CD200R1L: variants seen among roughly 807,000 people sequenced by gnomAD.
CD200R1L encodes the protein cell surface glycoprotein CD200 receptor 2.
CD200R1L carries 14 observed loss-of-function variants against 24.8 expected under a neutral mutation model. That is an observed-to-expected ratio of 0.56 (90% CI 0.37 to 0.88). CD200R1L has a LOEUF of 0.88. Ranked by LOEUF, CD200R1L falls within the 40% of genes least tolerant of loss-of-function variation. CD200R1L has a pLI of 0.00. For synonymous variants in CD200R1L, 111 were observed against 109.2 expected (o/e 1.02, Z -0.11); for missense variants, 299 against 297.8 (o/e 1.00, Z -0.03).
chr3:112,843,420 T>C (rs1241691879), intron 2 of CD200R1L, among the ~76,000 whole-genome samples: 2 of 152,210 alleles, frequency 1.3e-5, no homozygotes, highest in African/African-American at 4.8e-5. Context: ...TCAGTATCTT[T>C]AGAGAAAAGA....
Position 112,837,950 on chromosome 3 carries a change from AG to A in CD200R1L, c.-27del. The A allele has an allele frequency of 8.2e-7, 1 of 1,223,616 alleles. No homozygotes were observed. Among genetic ancestry groups the A allele is most frequent in the South Asian group, 1.4e-5 (1 of 71,384 alleles). The allele number at this position is 1,223,616 out of a possible 1,614,324, so 75.8% of individuals were successfully genotyped here. ...GTAAGTGAGCATTTTACCTTCATTAAGACGTATTCTCTAACTTTGTATTTCC... is the reference window on the plus strand; with the variant it reads ...GTAAGTGAGCATTTTACCTTCATTAAACGTATTCTCTAACTTTGTATTTCC... On this transcript the variant is annotated 5_prime_UTR_variant, in exon 3 of 8. Transcript: ENST00000488794.
At chr3:112,826,832 T>C (rs1046949730) in intron 6 of CD200R1L, among the ~76,000 whole-genome samples, 161 bp downstream of exon 6, 2 of 152,224 alleles carry the variant, frequency 1.3e-5, no homozygotes, top group African/African-American at 2.4e-5. Context: ...GCTGTTCTAC[T>C]AAAAGACAGA....
intron 2 of CD200R1L, among the ~76,000 whole-genome samples, chr3:112,841,902 A>G (rs145479667): frequency 9.8e-5 from 15 of 152,356 alleles, no homozygotes; most frequent in African/African-American, 2.9e-4. Flanking sequence ...TTCAAGCCAG[A>G]GAGGAGCCCC....
At chr3:112,820,918 G>A (rs147151862) in intron 6 of CD200R1L, among the ~76,000 whole-genome samples, 4 of 151,632 alleles carry the variant, frequency 2.6e-5, no homozygotes, top group East Asian at 3.9e-4. Flanking sequence ...TTAGCCGAGC[G>A]TGGTGGCATG....
chr3:112,837,870 G>A (rs1450040760), intron 3 of CD200R1L, 72 bp downstream of exon 3: 1 of 521,138 alleles, frequency 1.9e-6, no homozygotes, highest in African/African-American at 2.2e-5. Context: ...CAGGACAAAT[G>A]ATCATGTAAA....
At chr3:112,816,892 ACT>A (rs1938408506) in intron 7 of CD200R1L, among the ~76,000 whole-genome samples, 1 of 151,664 alleles carries the variant, frequency 6.6e-6, no homozygotes, top group Non-Finnish European at 1.5e-5. Flanking sequence ...CCTTGCACAC[ACT>A]CTCTCTTTGC....
chr3:112,838,162 C>T lies in CD200R1L; in HGVS notation c.-86-152G>A, dbSNP rs375335914. On this transcript the variant is annotated intron_variant, in intron 2 of 7. Coordinates refer to ENST00000488794, the MANE Select transcript of CD200R1L (RefSeq NM_001199215.3). ...AATAATCACACCAAAAAAACCTCTA[C>T]ATAAAAGAAATCAGCAGTGAGACCA... Among the ~76,000 whole-genome samples the T allele has an allele frequency of 5.4e-5, 8 of 146,814 alleles. No homozygotes were observed. The East Asian group carries it at 7.7e-4, about 14-fold the overall frequency.
At chr3:112,841,961 T>C (rs1479058762) in intron 2 of CD200R1L, among the ~76,000 whole-genome samples, 1 of 152,214 alleles carries the variant, frequency 6.6e-6, no homozygotes, top group Non-Finnish European at 1.5e-5. Context: ...TGTTTTGGCA[T>C]AGTAGTTGGG....
At chr3:112,838,352 T>C (rs1312689630) in intron 2 of CD200R1L, among the ~76,000 whole-genome samples, 1 of 151,972 alleles carries the variant, frequency 6.6e-6, no homozygotes, top group Admixed American at 6.6e-5. Context: ...AGGAGTAAAG[T>C]TCCATCTCCA....
chr3:112,842,146 G>GA (rs1247002083), intron 2 of CD200R1L, among the ~76,000 whole-genome samples: 1 of 152,172 alleles, frequency 6.6e-6, no homozygotes, highest in East Asian at 1.9e-4. Flanking sequence ...ACATCAGAGG[G>GA]AAAACTGGTC....
intron 2 of CD200R1L, among the ~76,000 whole-genome samples, chr3:112,839,624 C>A (rs1939034429): frequency 6.6e-6 from 1 of 152,188 alleles, no homozygotes; most frequent in Non-Finnish European, 1.5e-5. Context: ...AATGACAACA[C>A]AAATTGAATT....
chr3:112,816,500 T>C (rs1344035440), intron 7 of CD200R1L, among the ~76,000 whole-genome samples: 1 of 152,204 alleles, frequency 6.6e-6, no homozygotes, highest in Non-Finnish European at 1.5e-5. Context: ...ATGTACTCTC[T>C]GTATGGAAAG....
chr3:112,836,260 C>T (rs980130738), intron 3 of CD200R1L, among the ~76,000 whole-genome samples: 1 of 152,210 alleles, frequency 6.6e-6, no homozygotes, highest in African/African-American at 2.4e-5. Flanking sequence ...CTCCTGCTGC[C>T]ACCACCTGCA....
At chr3:112,828,270 G>A (rs1195191927) in intron 4 of CD200R1L, among the ~76,000 whole-genome samples, 1 of 152,298 alleles carries the variant, frequency 6.6e-6, no homozygotes, top group Admixed American at 6.5e-5. Context: ...CGGCATTCAA[G>A]TGGAGCTAGC....
At chr3:112,842,164 C>T (rs1313177084) in intron 2 of CD200R1L, among the ~76,000 whole-genome samples, 2 of 152,124 alleles carry the variant, frequency 1.3e-5, no homozygotes, top group Non-Finnish European at 2.9e-5. Context: ...GTCAGGAGAG[C>T]ACACAAGCTG....
intron 3 of CD200R1L, among the ~76,000 whole-genome samples, chr3:112,836,015 C>T (rs187808823): frequency 1.4e-3 from 217 of 152,364 alleles, no homozygotes; most frequent in African/African-American, 4.9e-3. Flanking sequence ...CCCAGCCAAC[C>T]CTGCACAAAT....
At chr3:112,822,777 C>T (rs1938566069) in intron 6 of CD200R1L, among the ~76,000 whole-genome samples, 1 of 152,132 alleles carries the variant, frequency 6.6e-6, no homozygotes, top group African/African-American at 2.4e-5. Flanking sequence ...ATTATGAGAC[C>T]TGAGTTATGT....
At chr3:112,841,337 T>C (rs1344246356) in intron 2 of CD200R1L, 2 of 442,306 alleles carry the variant, frequency 4.5e-6, no homozygotes, top group East Asian at 1.5e-4. Flanking sequence ...CCATGCTTCC[T>C]GTACAGCCTG....
Position 112,827,154 on chromosome 3 carries a change from C to G in CD200R1L, c.455G>C (p.Trp152Ser), listed in dbSNP as rs773959702. 10 of 1,613,430 alleles carry G rather than the reference C, an allele frequency of 6.2e-6. No homozygotes were observed. In the Admixed American group the frequency reaches 1.0e-4, roughly 16 times the overall value. Residue 152 changes from tryptophan (W) to serine (S), a missense_variant, in exon 6 of 8, where the codon TGG (tryptophan) becomes TCG (serine). Trp to Ser is a radical substitution (Grantham distance 177, BLOSUM62 -3). Coordinates refer to ENST00000488794, the MANE Select transcript of CD200R1L (RefSeq NM_001199215.3). ...GGCAAGAATAGATCCCTCTGGGATCCAGGAGATCTGGGCAGCTGGCTTCCC... is the reference window on the plus strand; with the variant it reads ...GGCAAGAATAGATCCCTCTGGGATCGAGGAGATCTGGGCAGCTGGCTTCCC... ...VTGKPAAQIS[W>S]IPEGSILATK...
Sources: allele counts gnomAD v4.1 joint callset (sites outside exome capture counted in the v4.1 genomes callset), GRCh38; gene constraint gnomAD v4.1.1; transcripts MANE v1.5; gene names NCBI Gene and HGNC (gene_info 2026-07-23, HGNC 2026-07-21).